GALC: variants seen among roughly 807,000 people sequenced by gnomAD.
GALC encodes the protein galactosylceramidase.
In GALC, 77 loss-of-function variants were observed where a neutral mutation model predicts 91.8. The ratio of observed to expected loss-of-function variants is 0.84; its 90% confidence interval spans 0.70 to 1.01. The LOEUF is 1.01. Ranked by LOEUF, GALC falls within the 50% of genes least tolerant of loss-of-function variation. The pLI is 0.00. For synonymous variants in GALC, 357 were observed against 306.7 expected, an observed-to-expected ratio of 1.16 and a Z score of -1.71; for missense variants, 882 against 855.9, an observed-to-expected ratio of 1.03 and a Z score of -0.38.
intron 6 of GALC, among the ~76,000 whole-genome samples, chr14:87,979,004 T>C (rs993062685): frequency 6.6e-6 from 1 of 152,100 alleles, no homozygotes; most frequent in Admixed American, 6.6e-5. Flanking sequence ...CCTACATTCG[T>C]CATTATTGAA....
At chr14:87,954,113 TG>T in intron 10 of GALC, 8 of 1,609,392 alleles carry the variant, frequency 5.0e-6, no homozygotes, top group Non-Finnish European at 6.8e-6. Flanking sequence ...CTATTCAGCC[TG>T]AAGAATATTC....
intron 14 of GALC, 23 bp from the exon 15 acceptor site, chr14:87,941,581 A>G: frequency 6.9e-7 from 1 of 1,450,666 alleles, no homozygotes; most frequent in South Asian, 1.1e-5. Context: ...ACGGTTGATT[A>G]GTACTCTTTA....
At chr14:87,963,122 G>A (rs1421423135) in intron 10 of GALC, 2 of 423,656 alleles carry the variant, frequency 4.7e-6, no homozygotes, top group African/African-American at 2.0e-5. Context: ...ACAAATATTG[G>A]TACACAGGTA....
At chr14:87,966,895 C>T (rs1301485113) in intron 8 of GALC, among the ~76,000 whole-genome samples, 1 of 152,084 alleles carries the variant, frequency 6.6e-6, no homozygotes, top group Non-Finnish European at 1.5e-5. Context: ...GGAGAATATT[C>T]AATAAACAAT....
intron 10 of GALC, among the ~76,000 whole-genome samples, chr14:87,955,449 T>TG (rs1185586160): frequency 6.6e-6 from 1 of 152,066 alleles, no homozygotes; most frequent in Non-Finnish European, 1.5e-5. Context: ...AGCAGATCCC[T>TG]GGGAATTAAA....
chr14:87,962,594 C>T (rs1214505126), intron 10 of GALC, among the ~76,000 whole-genome samples: 1 of 57,260 alleles, frequency 1.7e-5, no homozygotes, highest in Non-Finnish European at 4.0e-5. Context: ...CACACACACA[C>T]ACACACACAC....
chr14:87,977,305 T>C (rs74887974), intron 6 of GALC, among the ~76,000 whole-genome samples: 17,209 of 152,142 alleles, frequency 0.11, 1,147 homozygotes, highest in Non-Finnish European at 0.16. Flanking sequence ...AAGCTAAATT[T>C]TAACAGGAAA....
In GALC at chr14:87,934,001, T is replaced by C; in HGVS notation, c.*731A>G. 2 of 1,534,552 alleles carry C rather than the reference T, an allele frequency of 1.3e-6. No individual in the cohort carries two copies. The highest frequency in any genetic ancestry group is 1.7e-6 in the Non-Finnish European group (2 of 1,145,942). ...GGTTTTCTTCCTTCTTCCAGCCACC[T>C]GGAAAAACGTTCACAGAGAGTTATA... is the stretch of plus-strand genomic sequence containing the variant. On this transcript the variant is annotated 3_prime_UTR_variant, in exon 17 of 17. Transcript: ENST00000261304.
rs1213930389 is a variant in GALC, at chr14:87,955,073, C to A, written c.1162-4325G>T. The A allele has an allele frequency of 5.2e-6, 7 of 1,339,580 alleles. No individual in the cohort carries two copies. In the African/African-American group the frequency reaches 8.6e-5, roughly 16 times the overall value. The allele number at this position is 1,339,580 out of a possible 1,614,324, so 83.0% of individuals were successfully genotyped here. On this transcript the variant is annotated intron_variant, in intron 10 of 16. Transcript: ENST00000261304. ...TTACACTCCTTGTCGGCAGTCAGCG[C>A]AGAACCTTGTGTATCAAAGATTCAG...
chr14:87,954,471 A>G lies in GALC; in HGVS notation c.1162-3723T>C, dbSNP rs1885435142. ...AAAGGTTATATTTGGGAATTTAAAT[A>G]TCTTTTTGTTCAGCGCAATTACACA... On this transcript the variant is annotated intron_variant, in intron 10 of 16. Transcript: ENST00000261304. The G allele has an allele frequency of 2.5e-6, 4 of 1,583,104 alleles. 1 individual carries two copies. The South Asian group carries it at 4.4e-5, about 18-fold the overall frequency.
rs560606160 is a variant in GALC, at chr14:87,986,191, C to CA, written c.442+297dup. On this transcript the variant is annotated intron_variant, in intron 4 of 16. Transcript: ENST00000261304. ...AATTAGGTGCTAACACCGATTTTGC[C>CA]ATTTACTAACTGTCTATGACCTTAG... is the stretch of plus-strand genomic sequence containing the variant. 2.8e-3 allele frequency among the ~76,000 whole-genome samples: 428 copies of CA among 152,288 alleles called. 3 individuals are homozygous for CA. The highest frequency in any genetic ancestry group is 9.8e-3 in the African/African-American group (406 of 41,558).
At chr14:87,977,665 T>C (rs1483779898) in intron 6 of GALC, among the ~76,000 whole-genome samples, 2 of 152,180 alleles carry the variant, frequency 1.3e-5, no homozygotes, top group Non-Finnish European at 2.9e-5. Flanking sequence ...AGATGCTCAA[T>C]ACTACTGGTT....
chr14:87,993,514 A>G (rs1035521734), upstream of GALC: 2 of 1,520,782 alleles, frequency 1.3e-6, no homozygotes, highest in Non-Finnish European at 1.8e-6. Flanking sequence ...GGGAGTATCT[A>G]CCTCGTGCGA....
intron 14 of GALC, among the ~76,000 whole-genome samples, chr14:87,944,051 A>G (rs17759543): frequency 0.1 from 15,607 of 151,858 alleles, 1,022 homozygotes; most frequent in Non-Finnish European, 0.15. Flanking sequence ...CTTTCAGAAT[A>G]TGTCACTCTC....
intron 10 of GALC, chr14:87,952,988 TCAGTTAGA>T: frequency 2.0e-6 from 2 of 1,013,014 alleles, no homozygotes; most frequent in Non-Finnish European, 1.6e-6. Flanking sequence ...CAAATTTGTT[TCAGTTAGA>T]CCACAAATGT....
intron 15 of GALC, among the ~76,000 whole-genome samples, chr14:87,941,035 A>G (rs754893325): frequency 6.6e-6 from 1 of 151,920 alleles, no homozygotes; most frequent in South Asian, 2.1e-4. Context: ...CAGCAGCAAC[A>G]GTCGTATACT....
At position 87,939,994 on chromosome 14, in the gene GALC, A is replaced by C; in HGVS notation, c.1835-13T>G. The C allele has an allele frequency of 6.3e-7, 1 of 1,591,692 alleles. No homozygotes were observed. Among genetic ancestry groups the C allele is most frequent in the Admixed American group, 1.7e-5 (1 of 59,822 alleles). Reference sequence around the variant, plus strand: ...ATAATCCATCCAGCTGTAACACAAAAATATTATCCCAATAGATATAATTTT... The same window carrying C: ...ATAATCCATCCAGCTGTAACACAAACATATTATCCCAATAGATATAATTTT... On this transcript the variant is annotated splice_polypyrimidine_tract_variant and intron_variant, in intron 15 of 16. Coordinates refer to ENST00000261304, the MANE Select transcript of GALC (RefSeq NM_000153.4).
At chr14:87,936,789 C>A (rs1479969201) in intron 16 of GALC, among the ~76,000 whole-genome samples, 3 of 150,964 alleles carry the variant, frequency 2.0e-5, no homozygotes, top group Non-Finnish European at 4.4e-5. Flanking sequence ...CTAGAAGTCT[C>A]AGCATGTGTT....
At chr14:87,952,974 C>A in intron 10 of GALC, 1 of 959,942 alleles carries the variant, frequency 1.0e-6, no homozygotes. Flanking sequence ...TCAGAACTTT[C>A]ACTCAAATTT....
Sources: allele counts gnomAD v4.1 joint callset (sites outside exome capture counted in the v4.1 genomes callset), GRCh38; gene constraint gnomAD v4.1.1; transcripts MANE v1.5; gene names NCBI Gene and HGNC (gene_info 2026-07-23, HGNC 2026-07-21).